ARID2: variants seen among roughly 807,000 people sequenced by gnomAD.
The protein encoded by ARID2 is AT-rich interaction domain 2.
A neutral mutation model predicts 184.6 loss-of-function variants in ARID2; 32 were observed. The ratio of observed to expected loss-of-function variants is 0.17; its 90% confidence interval spans 0.13 to 0.23. The LOEUF (loss-of-function observed/expected upper bound fraction) is 0.23, where lower values mean the gene tolerates loss of function less well. Ranked by LOEUF, ARID2 falls within the 10% of genes least tolerant of loss-of-function variation. The pLI, the probability that ARID2 is intolerant of heterozygous loss-of-function variation, is 1.00. For missense variants in ARID2, 1,696 were observed against 2,197.6 expected (o/e 0.77, Z 4.56); for synonymous variants, 836 against 772.6 (o/e 1.08, Z -1.36).
chr12:45,820,348 A>T (rs772491883), intron 5 of ARID2, among the ~76,000 whole-genome samples: 5 of 152,186 alleles, frequency 3.3e-5, no homozygotes, highest in African/African-American at 4.8e-5. Flanking sequence ...TATTCTAGCC[A>T]GAGTACTTTA....
At chr12:45,834,236 T>C (rs916676113) in intron 6 of ARID2, among the ~76,000 whole-genome samples, 14 of 152,144 alleles carry the variant, frequency 9.2e-5, no homozygotes, top group Non-Finnish European at 4.4e-5. Context: ...CACTTGAAAG[T>C]ATTTTTCTAA....
intron 3 of ARID2, among the ~76,000 whole-genome samples, chr12:45,745,795 C>T (rs1053880762): frequency 9.2e-5 from 14 of 151,914 alleles, no homozygotes; most frequent in African/African-American, 7.3e-5. Flanking sequence ...GTGATCTGCC[C>T]GCCTTGGCCT....
intron 15 of ARID2, 126 bp downstream of exon 15, chr12:45,853,022 A>G (rs1310438998): frequency 3.0e-5 from 40 of 1,331,136 alleles, no homozygotes; most frequent in Admixed American, 3.5e-5. Context: ...CTTGTATCCA[A>G]CCTGTCCTTT....
At position 45,878,342 on chromosome 12, in the gene ARID2, T is replaced by TA. The variant is rs139621438; in HGVS notation, c.4923-13438_4923-13437insA. ...GTTCTTTCTCTTTTTCTTCTCTTTATGGTATTCCCACTGCATATATTTGCA... is the reference window on the plus strand; with the variant it reads ...GTTCTTTCTCTTTTTCTTCTCTTTATAGGTATTCCCACTGCATATATTTGCA... On this transcript the variant is annotated intron_variant, in intron 16 of 20. Transcript: ENST00000334344. Among the ~76,000 whole-genome samples the TA allele has an allele frequency of 7.0e-4, 106 of 152,322 alleles. 1 individual carries two copies. In the East Asian group the frequency reaches 0.013, roughly 19 times the overall value.
chr12:45,791,419 A>G (rs1312155058), intron 3 of ARID2, among the ~76,000 whole-genome samples: 1 of 152,212 alleles, frequency 6.6e-6, no homozygotes, highest in Non-Finnish European at 1.5e-5. Context: ...CAACTTTTTC[A>G]TAAAGTTTTA....
chr12:45,841,515 A>T (rs1333112234), intron 11 of ARID2: 1 of 152,174 alleles, frequency 6.6e-6, no homozygotes, highest in Non-Finnish European at 1.5e-5. Flanking sequence ...GCATAGTTTA[A>T]TGCTGCTTTT....
At chr12:45,794,121 C>G (rs920971540) in intron 3 of ARID2, among the ~76,000 whole-genome samples, 2 of 152,112 alleles carry the variant, frequency 1.3e-5, no homozygotes, top group Admixed American at 6.6e-5. Context: ...AATATGGAAC[C>G]CAGTTGCCGT....
intron 16 of ARID2, among the ~76,000 whole-genome samples, chr12:45,865,127 A>G (rs1193878840): frequency 6.6e-6 from 1 of 152,128 alleles, no homozygotes; most frequent in Non-Finnish European, 1.5e-5. Flanking sequence ...ACCTTAATAT[A>G]AGTGTTTGAT....
chr12:45,764,135 A>G (rs1471170929), intron 3 of ARID2, among the ~76,000 whole-genome samples: 1 of 152,152 alleles, frequency 6.6e-6, no homozygotes, highest in African/African-American at 2.4e-5. Flanking sequence ...ATTTAAGACT[A>G]GTACACTTAA....
At chr12:45,754,292 T>C (rs1255782271) in intron 3 of ARID2, among the ~76,000 whole-genome samples, 2 of 152,252 alleles carry the variant, frequency 1.3e-5, no homozygotes, top group African/African-American at 4.8e-5. Context: ...CCAAATATAT[T>C]AGTAGGTCGT....
intron 3 of ARID2, among the ~76,000 whole-genome samples, chr12:45,757,944 CT>C (rs1941599386): frequency 6.6e-6 from 1 of 152,166 alleles, no homozygotes; most frequent in Admixed American, 6.5e-5. Context: ...TAAATATTTG[CT>C]GTCCAATATT....
intron 6 of ARID2, among the ~76,000 whole-genome samples, chr12:45,831,957 T>G (rs369937116): frequency 1.3e-5 from 2 of 152,172 alleles, no homozygotes; most frequent in African/African-American, 4.8e-5. Context: ...CTTTATAGTT[T>G]TTTTCTGTGT....
At chr12:45,898,340 G>T (rs2136466703) in intron 20 of ARID2, among the ~76,000 whole-genome samples, 1 of 152,280 alleles carries the variant, frequency 6.6e-6, no homozygotes, top group Admixed American at 6.5e-5. Context: ...TGATGAAAAA[G>T]TTGTGGAGAT....
chr12:45,737,438 G>T (rs952546459), intron 3 of ARID2, among the ~76,000 whole-genome samples: 1 of 151,340 alleles, frequency 6.6e-6, no homozygotes, highest in Non-Finnish European at 1.5e-5. Flanking sequence ...TTCTGGCTTT[G>T]ATTGCTTTCT....
At chr12:45,759,473 G>A (rs544347051) in intron 3 of ARID2, among the ~76,000 whole-genome samples, 2 of 152,202 alleles carry the variant, frequency 1.3e-5, no homozygotes, top group African/African-American at 4.8e-5. Context: ...TGATGCAGTG[G>A]TCCACTTAAA....
chr12:45,751,826 T>TA (rs1257198214), intron 3 of ARID2, among the ~76,000 whole-genome samples: 10 of 152,188 alleles, frequency 6.6e-5, no homozygotes, highest in Admixed American at 6.5e-4. Context: ...AAAGGTACAG[T>TA]AAAAATATGA....
chr12:45,836,800 A>G lies in ARID2; in HGVS notation c.832A>G (p.Ile278Val). ...SLFHPPRKLG[I>V]NDIEGQRVLQ... is the part of the protein sequence containing the mutation. ...ATTTCATCCACCTCGAAAGCTGGGC[A>G]TTAACGATATTGAAGGACAGCGGGT... The change falls in exon 8 of 21, where the codon ATT (isoleucine) becomes GTT (valine). Residue 278 changes from isoleucine (I) to valine (V), a missense_variant. By Grantham distance (29) the Ile-to-Val change is conservative (BLOSUM62 3). Coordinates refer to ENST00000334344, the MANE Select transcript of ARID2 (RefSeq NM_152641.4). The G allele has an allele frequency of 1.2e-6, 2 of 1,614,172 alleles. No homozygotes were observed. The highest frequency in any genetic ancestry group is 1.7e-5 in the Admixed American group (1 of 60,020).
Position 45,851,643 on chromosome 12 carries a change from A to G in ARID2, c.3520A>G (p.Ile1174Val), listed in dbSNP as rs1943552195. 6.2e-7 allele frequency: 1 copy of G among 1,614,194 alleles called. No homozygotes were observed. The highest frequency in any genetic ancestry group is 8.5e-7 in the Non-Finnish European group (1 of 1,180,018). The change falls in exon 15 of 21, where the codon ATA becomes GTA. Residue 1174 changes from isoleucine (I) to valine (V), a missense_variant. Coordinates refer to ENST00000334344, the MANE Select transcript of ARID2 (RefSeq NM_152641.4). ...FQGTSGNQVT[I>V]TVVPNTSFAP... is the part of the protein sequence containing the mutation. ...AGGGACTTCTGGCAACCAGGTAACCATAACAGTTGTGCCAAATACGAGTTT... is the reference window on the plus strand; with the variant it reads ...AGGGACTTCTGGCAACCAGGTAACCGTAACAGTTGTGCCAAATACGAGTTT...
rs1006518513 is a variant in ARID2 at position 45,906,045 on chromosome 12, A to G, written c.*967A>G. 8.6e-6 allele frequency: 2 copies of G among 231,342 alleles called. No individual in the cohort carries two copies. Among genetic ancestry groups the G allele is most frequent in the African/African-American group, 2.2e-5 (1 of 45,004 alleles). The allele number at this position is 231,342 out of a possible 1,614,324, so 14.3% of individuals were successfully genotyped here. ...TCTCATGTCATTTTTTAGAAGAAAA[A>G]CTATTTGAAGGTATTTTTTGGTTTT... On this transcript the variant is annotated 3_prime_UTR_variant, in exon 21 of 21. Coordinates refer to ENST00000334344, the MANE Select transcript of ARID2 (RefSeq NM_152641.4).
Sources: gnomAD v4.1 joint callset for allele counts (sites outside exome capture counted in the v4.1 genomes callset) on GRCh38, gnomAD v4.1.1 for gene constraint, MANE v1.5 for transcripts, NCBI Gene and HGNC (gene_info 2026-07-23, HGNC 2026-07-21) for gene names.